NFATC1: variants seen among roughly 807,000 people sequenced by gnomAD.
NFATC1 encodes nuclear factor of activated T-cells, cytoplasmic 1.
A neutral mutation model predicts 76.0 loss-of-function variants in NFATC1; 22 were observed. The observed-to-expected ratio is 0.29, with a 90% CI of 0.21 to 0.41. The LOEUF is 0.41. Among genes scored for constraint, NFATC1 ranks in the 10% least tolerant of loss-of-function variants. The probability of loss-of-function intolerance (pLI) is 1.00; values close to 1 mark genes in which losing one functional copy is unlikely to be tolerated. For synonymous variants in NFATC1, 704 were observed against 613.1 expected (o/e 1.15, Z -2.19); for missense variants, 1,357 against 1,337.7 (o/e 1.01, Z -0.23).
At chr18:79,435,355 T>TGTTG (rs796942776) in intron 3 of NFATC1, among the ~76,000 whole-genome samples, 38,485 of 142,674 alleles carry the variant, frequency 0.27, 5,326 homozygotes, top group African/African-American at 0.38. Context: ...TTTGTTTGTT[T>TGTTG]TTTTTTTTTT....
intron 2 of NFATC1, among the ~76,000 whole-genome samples, chr18:79,415,889 C>T (rs1238745593): frequency 6.6e-6 from 1 of 151,968 alleles, no homozygotes; most frequent in Non-Finnish European, 1.5e-5. Context: ...TGGCGAAACC[C>T]CATCTCTATT....
Position 79,410,261 on chromosome 18 carries a change from T to C in NFATC1, c.128-142T>C. On this transcript the variant is annotated intron_variant, in intron 1 of 9. Transcript: ENST00000427363. The surrounding 1 kb of genome is among the most constrained non-coding windows in gnomAD (Gnocchi z 6.7). The stretch of plus-strand genomic sequence containing the variant: ...AGTCGCCCGGAGCTGTCCGGCAGCG[T>C]GGTCTCAGGGACGTTTGCTGAGGCC... The C allele has an allele frequency of 7.4e-7, 1 of 1,345,402 alleles. No homozygotes were observed. The highest frequency in any genetic ancestry group is 1.0e-6 in the Non-Finnish European group (1 of 985,282). The allele number at this position is 1,345,402 out of a possible 1,614,324, so 83.3% of individuals were successfully genotyped here. A position where few individuals can be genotyped will look rare whatever the true frequency, so the allele number is the denominator to read the frequency against.
At chr18:79,399,544 G>T (rs1568906218) in intron 1 of NFATC1, among the ~76,000 whole-genome samples, 3 of 152,266 alleles carry the variant, frequency 2.0e-5, no homozygotes, top group Admixed American at 2.0e-4. Context: ...GCCCAGGGCG[G>T]CCTCAGCTAA....
At chr18:79,491,490 C>T (rs1346156745) in intron 9 of NFATC1, among the ~76,000 whole-genome samples, 4 of 152,146 alleles carry the variant, frequency 2.6e-5, no homozygotes, top group Admixed American at 1.3e-4. Flanking sequence ...GGCTGTGTGG[C>T]GGGGACAAGA....
At chr18:79,483,633 GGCGTGACCTGGTCCTGGGGTGTAATTCCA>G (rs1569018304) in intron 8 of NFATC1, among the ~76,000 whole-genome samples, 7 of 134,488 alleles carry the variant, frequency 5.2e-5, no homozygotes, top group East Asian at 2.4e-4. Context: ...GCGTCACTCT[GGCGTGACCTGGTCCTGGGGTGTAATTCCA>G]GCGTGACCTT....
At chr18:79,407,687 C>T (rs1392563959) in intron 1 of NFATC1, among the ~76,000 whole-genome samples, 1 of 152,178 alleles carries the variant, frequency 6.6e-6, no homozygotes, top group Non-Finnish European at 1.5e-5. Flanking sequence ...TCAGATGATC[C>T]GCCCACCTCG....
chr18:79,515,516 C>A (rs1248479329), intron 9 of NFATC1, among the ~76,000 whole-genome samples: 2 of 151,902 alleles, frequency 1.3e-5, no homozygotes, highest in East Asian at 3.9e-4. Flanking sequence ...TGCAGCCTGG[C>A]CGGGGACCAG....
intron 2 of NFATC1, among the ~76,000 whole-genome samples, chr18:79,412,363 G>A (rs938612002): frequency 1.2e-4 from 19 of 152,206 alleles, no homozygotes; most frequent in African/African-American, 4.1e-4. Flanking sequence ...CAGGGCTGCC[G>A]CTGTGTCCTC....
intron 1 of NFATC1, among the ~76,000 whole-genome samples, chr18:79,403,971 T>C (rs890866495): frequency 6.6e-6 from 1 of 152,218 alleles, no homozygotes; most frequent in African/African-American, 2.4e-5. Context: ...GCTATTACCA[T>C]GCACAGCTCA....
At chr18:79,506,535 T>A (rs2090125065) in intron 9 of NFATC1, among the ~76,000 whole-genome samples, 1 of 152,208 alleles carries the variant, frequency 6.6e-6, no homozygotes, top group African/African-American at 2.4e-5. Context: ...ACGTGGTTCA[T>A]TGGCCTCTGA....
intron 9 of NFATC1, among the ~76,000 whole-genome samples, chr18:79,487,292 TTGGAGAGGGACCGGCCTC>T (rs2089535636): frequency 6.6e-6 from 1 of 152,180 alleles, no homozygotes; most frequent in Admixed American, 6.5e-5. Context: ...AAGCCCTGAC[TTGGAGAGGGACCGGCCTC>T]TGCAGTCGGG....
chr18:79,430,746 G>A (rs937718186), intron 2 of NFATC1, among the ~76,000 whole-genome samples: 3 of 152,230 alleles, frequency 2.0e-5, no homozygotes, highest in African/African-American at 7.2e-5. Context: ...CAAGGTGCCT[G>A]AGACGGGCAC....
chr18:79,442,740 G>A (rs1305793913), intron 3 of NFATC1, among the ~76,000 whole-genome samples: 2 of 152,242 alleles, frequency 1.3e-5, no homozygotes, highest in Non-Finnish European at 2.9e-5. Flanking sequence ...ACGCCTTGCT[G>A]TAGCCTGCAG....
intron 9 of NFATC1, among the ~76,000 whole-genome samples, chr18:79,514,794 C>A (rs977648788): frequency 3.3e-5 from 5 of 151,940 alleles, no homozygotes; most frequent in Non-Finnish European, 4.4e-5. Flanking sequence ...ACCTATAATC[C>A]TAGCATGTTG....
Position 79,411,429 on chromosome 18 carries a change from A to G in NFATC1, c.1154A>G (p.Gln385Arg), listed in dbSNP as rs2085676166. ...QHIRKGGFCD[Q>R]YLAVPQHPYQ... is the part of the protein sequence containing the mutation. Reference sequence around the variant, plus strand: ...ATCAGGAAGGGCGGCTTCTGCGACCAGTACCTGGCGGTGCCGCAGCACCCC... The same window carrying G: ...ATCAGGAAGGGCGGCTTCTGCGACCGGTACCTGGCGGTGCCGCAGCACCCC... The change falls in exon 2 of 10, where the codon CAG becomes CGG. Residue 385 changes from glutamine to arginine, a missense_variant. By Grantham distance (43) the Gln-to-Arg change is conservative. Coordinates refer to ENST00000427363, the MANE Select transcript of NFATC1 (RefSeq NM_001278669.2). 2.6e-6 allele frequency: 4 copies of G among 1,535,140 alleles called. No homozygotes were observed. The highest frequency in any genetic ancestry group is 3.5e-6 in the Non-Finnish European group (4 of 1,144,386).
At chr18:79,413,647 G>A (rs1325041883) in intron 2 of NFATC1, among the ~76,000 whole-genome samples, 2 of 152,202 alleles carry the variant, frequency 1.3e-5, no homozygotes, top group African/African-American at 4.8e-5. Context: ...AGCACCGTTC[G>A]GCTGCCTCAG....
At position 79,395,944 on chromosome 18, in the gene NFATC1, C is replaced by T. The variant is rs914565109; in HGVS notation, c.-281C>T. 12 of 182,048 alleles carry T rather than the reference C, an allele frequency of 6.6e-5. 1 individual carries two copies. Among genetic ancestry groups the T allele is most frequent in the Non-Finnish European group, 1.2e-4 (11 of 88,556 alleles). 11.3% of individuals were successfully genotyped at this position (182,048 alleles called of 1,614,324 possible). On this transcript the variant is annotated 5_prime_UTR_variant, in exon 1 of 10. Transcript: ENST00000427363. ...AGCGCGGCCCTGCGTCAGAGCGAGA[C>T]TCAGAGGCTCCGAACTCGCCGGCGG...
intron 6 of NFATC1, among the ~76,000 whole-genome samples, chr18:79,453,761 C>T (rs1489458680): frequency 6.6e-6 from 1 of 152,240 alleles, no homozygotes; most frequent in African/African-American, 2.4e-5. Context: ...GGGATGAAGC[C>T]AGACCACGTT....
chr18:79,519,523 G>T (rs954067046), intron 9 of NFATC1, among the ~76,000 whole-genome samples: 1 of 137,284 alleles, frequency 7.3e-6, no homozygotes, highest in African/African-American at 2.5e-5. Flanking sequence ...TTGTAGAGAT[G>T]GGGGGTGGTC....
Sources: gnomAD v4.1 joint callset for allele counts (sites outside exome capture counted in the v4.1 genomes callset) on GRCh38, gnomAD v4.1.1 for gene constraint, Gnocchi (gnomAD v3.1) non-coding constraint, MANE v1.5 for transcripts, NCBI Gene and HGNC (gene_info 2026-07-23, HGNC 2026-07-21) for gene names.